HNRNPA1: variants seen among roughly 807,000 people sequenced by gnomAD.
HNRNPA1 encodes the protein heterogeneous nuclear ribonucleoprotein A1, also known as epididymis secretory sperm binding protein.
A neutral mutation model predicts 44.4 loss-of-function variants in HNRNPA1; 7 were observed. The ratio of observed to expected loss-of-function variants is 0.16; its 90% CI spans 0.09 to 0.30. The LOEUF is 0.30. Ranked by LOEUF, HNRNPA1 falls within the 10% of genes least tolerant of loss-of-function variation. HNRNPA1 has a pLI of 1.00. For missense variants in HNRNPA1, 193 were observed against 465.8 expected (o/e 0.41, Z 5.39); for synonymous variants, 169 against 160.6 (o/e 1.05, Z -0.40).
intron 2 of HNRNPA1, 41 bp downstream of exon 2, chr12:54,281,543 C>T (rs777373779): frequency 1.4e-6 from 2 of 1,384,654 alleles, no homozygotes; most frequent in South Asian, 1.2e-5. Context: ...CAGCCGATTT[C>T]CTTGGCTTAT....
Position 54,285,348 on chromosome 12 carries a change from C to G in HNRNPA1, c.*804C>G, listed in dbSNP as rs1178446526. 6.6e-6 allele frequency: 1 copy of G among 152,250 alleles called. No individual in the cohort carries two copies. The highest frequency in any genetic ancestry group is 1.5e-5 in the Non-Finnish European group (1 of 68,046). 9.4% of individuals were successfully genotyped at this position (152,250 alleles called of 1,614,324 possible). A position where few individuals can be genotyped will look rare whatever the true frequency, so the allele number is the denominator to read the frequency against. ...GAATGCTTCTATCACAATTCAAGTT[C>G]AAAGCTCTGCCAGGGAATAGAAACT... On this transcript the variant is annotated 3_prime_UTR_variant, in exon 11 of 11. Coordinates refer to ENST00000340913, the MANE Select transcript of HNRNPA1 (RefSeq NM_031157.4).
At chr12:54,281,549 C>A in intron 2 of HNRNPA1, 47 bp downstream of exon 2, 1 of 1,337,202 alleles carries the variant, frequency 7.5e-7, no homozygotes, top group Non-Finnish European at 1.1e-6. Context: ...ATTTCCTTGG[C>A]TTATCTTGGT....
intron 1 of HNRNPA1, 66 bp from the exon 2 acceptor site, chr12:54,281,320 C>T (rs889289997): frequency 2.3e-5 from 21 of 903,472 alleles, no homozygotes; most frequent in Non-Finnish European, 3.2e-5. Flanking sequence ...TCTAGTTTTT[C>T]TTTTCCTCGA....
chr12:54,282,999 C>T (rs891888960), intron 7 of HNRNPA1, 80 bp from the exon 8 acceptor site: 1 of 1,531,792 alleles, frequency 6.5e-7, no homozygotes. Flanking sequence ...ATGCTGTGAG[C>T]AGGCCTTCAG....
Position 54,283,681 on chromosome 12 carries a change from G to T in HNRNPA1, c.908-131G>T, listed in dbSNP as rs1027381051. On this transcript the variant is annotated intron_variant, in intron 8 of 10. Coordinates refer to ENST00000340913, the MANE Select transcript of HNRNPA1 (RefSeq NM_031157.4). Reference sequence around the variant, plus strand: ...CCTTTCCCAGAGAATGAAATGCAAAGATTGGAGTCACCATAGTTTGGGAGA... The same window carrying T: ...CCTTTCCCAGAGAATGAAATGCAAATATTGGAGTCACCATAGTTTGGGAGA... The T allele has an allele frequency of 9.2e-6, 8 of 874,046 alleles. 1 individual carries two copies. Among genetic ancestry groups the T allele is most frequent in the Non-Finnish European group, 1.5e-5 (8 of 534,328 alleles). The allele number at this position is 874,046 out of a possible 1,614,324, so 54.1% of individuals were successfully genotyped here.
At chr12:54,284,454 T>A in intron 10 of HNRNPA1, 95 bp from the exon 11 acceptor site, 1 of 877,686 alleles carries the variant, frequency 1.1e-6, no homozygotes, top group Non-Finnish European at 1.9e-6. Flanking sequence ...AATATTCAGA[T>A]CAGCAAAATT....
rs1239600654 is a variant in HNRNPA1, at chr12:54,283,104, T to G, written c.777T>G (p.Gly259=). 1 of 1,613,274 alleles carries G rather than the reference T, an allele frequency of 6.2e-7. No homozygotes were observed. The highest frequency in any genetic ancestry group is 1.3e-5 in the African/African-American group (1 of 74,902). ...GTGGTTATGGAGGAGGCGGCCCTGG[T>G]TACTCTGGAGGAAGCAGAGGCTATG... ...NDGGYGGGGP[G]YSGGSRGYGS... The change falls in exon 8 of 11, where the codon GGT becomes GGG. Residue 259 remains glycine (G), a synonymous_variant. Coordinates refer to ENST00000340913, the MANE Select transcript of HNRNPA1 (RefSeq NM_031157.4).
chr12:54,281,824 C>T lies in HNRNPA1; in HGVS notation c.162C>T (p.Ser54=), dbSNP rs752395357. 1 of 1,613,098 alleles carries T rather than the reference C, an allele frequency of 6.2e-7. No individual in the cohort carries two copies. The highest frequency in any genetic ancestry group is 1.3e-5 in the African/African-American group (1 of 74,994). Residue 54 remains serine, a synonymous_variant, in exon 3 of 11, where the codon TCC becomes TCT. Transcript: ENST00000340913. ...TGAGAGATCCAAACACCAAGCGCTC[C>T]AGGGGCTTTGGGTTTGTCACATATG... ...VVMRDPNTKR[S]RGFGFVTYAT...
intron 4 of HNRNPA1, 42 bp downstream of exon 4, chr12:54,282,342 T>C (rs773124971): frequency 6.2e-7 from 1 of 1,610,898 alleles, no homozygotes; most frequent in Non-Finnish European, 8.5e-7. Flanking sequence ...TTCCACAATC[T>C]GTATGGCATT....
In HNRNPA1 at chr12:54,282,783, G is replaced by A. The variant is rs370698188; in HGVS notation, c.677-17G>A. ...TAAGTCCAAGTCATACTTAAAACTT[G>A]AAACTTTTTCTTACAGGTGGCTTTG... On this transcript the variant is annotated splice_polypyrimidine_tract_variant and intron_variant, in intron 6 of 10. Coordinates refer to ENST00000340913, the MANE Select transcript of HNRNPA1 (RefSeq NM_031157.4). 2.3e-4 allele frequency: 364 copies of A among 1,558,712 alleles called. No individual in the cohort carries two copies. The highest frequency in any genetic ancestry group is 3.3e-4 in the Middle Eastern group (2 of 6,022).
intron 7 of HNRNPA1, 37 bp downstream of exon 7, chr12:54,282,911 G>A: frequency 6.5e-7 from 1 of 1,527,506 alleles, no homozygotes; most frequent in Non-Finnish European, 8.8e-7. Context: ...AAAATTCCTG[G>A]CAACCTGGAT....
intron 1 of HNRNPA1, 88 bp downstream of exon 1, chr12:54,280,910 G>C (rs924483372): frequency 2.0e-5 from 29 of 1,434,220 alleles, no homozygotes; most frequent in Non-Finnish European, 2.6e-5. Context: ...CCTTGCACCA[G>C]CCCATTCTAC....
chr12:54,281,430 G>T lies in HNRNPA1; in HGVS notation c.60G>T (p.Gly20=). ...PEQLRKLFIG[G]LSFETTDESL... ...AGCTGAGGAAGCTCTTCATTGGAGG[G>T]TTGAGCTTTGAAACAACTGATGAGA... The change falls in exon 2 of 11, where the codon GGG becomes GGT. Residue 20 remains glycine, a synonymous_variant. Transcript: ENST00000340913. 1 of 1,611,612 alleles carries T rather than the reference G, an allele frequency of 6.2e-7. No individual in the cohort carries two copies.
chr12:54,283,039 A>G, intron 7 of HNRNPA1, 40 bp from the exon 8 acceptor site: 1 of 1,604,186 alleles, frequency 6.2e-7, no homozygotes, highest in Non-Finnish European at 8.5e-7. Context: ...TTTCATTGTC[A>G]AATACTTTTG....
chr12:54,281,703 G>A (rs1944174375), intron 2 of HNRNPA1, 92 bp from the exon 3 acceptor site: 18 of 1,324,476 alleles, frequency 1.4e-5, no homozygotes, highest in Non-Finnish European at 3.1e-6. Flanking sequence ...ATAAAAGGCT[G>A]GTGTAAAGTT....
intron 7 of HNRNPA1, 47 bp from the exon 8 acceptor site, chr12:54,283,032 C>T (rs762108926): frequency 6.3e-7 from 1 of 1,598,046 alleles, no homozygotes; most frequent in Non-Finnish European, 8.5e-7. Flanking sequence ...CACAAGTTTT[C>T]ATTGTCAAAT....
At chr12:54,281,113 G>A (rs753235954) in intron 1 of HNRNPA1, 5 of 699,982 alleles carry the variant, frequency 7.1e-6, no homozygotes, top group African/African-American at 3.5e-5. Flanking sequence ...GTTTTCTAAA[G>A]AGCGATTAGT....
At position 54,282,504 on chromosome 12, in the gene HNRNPA1, T is replaced by C. The variant is rs769401335; in HGVS notation, c.583+18T>C. 7.4e-6 allele frequency: 12 copies of C among 1,612,034 alleles called. No homozygotes were observed. Among genetic ancestry groups the C allele is most frequent in the East Asian group, 6.7e-5 (3 of 44,896 alleles). On this transcript the variant is annotated intron_variant, in intron 5 of 10. Transcript: ENST00000340913. ...CCAAAGAGGTATGCTTGTTGCTTAA[T>C]TAAACCTTAAAGGTAACTTTGAGTT...
rs1221784038 is a variant in HNRNPA1, at chr12:54,284,871, CT to C, written c.*335del. ...TCTGATCGTGACGCTGAATAAATGT[CT>C]TTTTTTTAATGTGCTGTGTAAAGTT... is the stretch of plus-strand genomic sequence containing the variant. On this transcript the variant is annotated 3_prime_UTR_variant, in exon 11 of 11. Coordinates refer to ENST00000340913, the MANE Select transcript of HNRNPA1 (RefSeq NM_031157.4). The C allele has an allele frequency of 6.2e-5, 19 of 304,952 alleles. No individual in the cohort carries two copies. Among genetic ancestry groups the C allele is most frequent in the East Asian group, 1.7e-4 (2 of 11,858 alleles). 18.9% of individuals were successfully genotyped at this position (304,952 alleles called of 1,614,324 possible).
Sources: gnomAD v4.1 joint callset for allele counts on GRCh38, gnomAD v4.1.1 for gene constraint, MANE v1.5 for transcripts, NCBI Gene and HGNC (gene_info 2026-07-23, HGNC 2026-07-21) for gene names.